The following LRRC37A variants were observed in gnomAD, a reference collection of about 807,000 sequenced individuals.
The protein encoded by LRRC37A is leucine rich repeat containing 37A, also known as leucine-rich repeat-containing protein 37A.
Under a neutral mutation model 35.4 loss-of-function variants are expected in LRRC37A, and 3 were observed. The observed-to-expected ratio is 0.08, with a 90% CI of 0.04 to 0.22. The LOEUF (loss-of-function observed/expected upper bound fraction) is 0.22. LRRC37A is among the 10% of genes least tolerant of loss of function. The pLI is 1.00. For missense variants in LRRC37A, 67 were observed against 565.3 expected (o/e 0.12, Z 8.94); for synonymous variants, 23 against 215.0 (o/e 0.11, Z 7.81).
chr17:46,270,898 T>A, the LRRC37A span, among the ~76,000 whole-genome samples: 1 of 152,364 alleles, frequency 6.6e-6, no homozygotes, highest in African/African-American at 2.4e-5. Context: ...AGACTCTGTC[T>A]GAAACAACAA....
chr17:46,324,997 G>T (rs1427327698), intron 7 of LRRC37A, among the ~76,000 whole-genome samples: 1 of 77,834 alleles, frequency 1.3e-5, no homozygotes, highest in Admixed American at 1.3e-4. Flanking sequence ...TGCTAGGGCT[G>T]GTTGAGGGAA....
At chr17:46,290,093 T>C (rs1457349953), upstream of LRRC37A, among the ~76,000 whole-genome samples, 1 of 152,286 alleles carries the variant, frequency 6.6e-6, no homozygotes, top group African/African-American at 2.4e-5. Flanking sequence ...TGCTGCAATG[T>C]AGATGACAAA....
chr17:46,291,985 A>AAAAAAAAAAAAAAAAAC (rs1360524355), upstream of LRRC37A, among the ~76,000 whole-genome samples: 126 of 76,566 alleles, frequency 1.6e-3, 2 homozygotes, highest in Non-Finnish European at 2.6e-3. Flanking sequence ...AAAAAAAAAA[A>AAAAAAAAAAAAAAAAAC]AAGCCAATAA....
the LRRC37A span, among the ~76,000 whole-genome samples, chr17:46,286,083 A>G: frequency 6.6e-6 from 1 of 152,120 alleles, no homozygotes; most frequent in African/African-American, 2.4e-5. Flanking sequence ...ATCATGGCCA[A>G]TAAAAAATCT....
upstream of LRRC37A, among the ~76,000 whole-genome samples, chr17:46,288,896 G>C (rs1362700803): frequency 6.6e-6 from 1 of 151,966 alleles, no homozygotes; most frequent in Non-Finnish European, 1.5e-5. Flanking sequence ...TTAGAGACAG[G>C]GTTTCACCAT....
At chr17:46,256,533 C>A in the LRRC37A span, among the ~76,000 whole-genome samples, 1 of 152,188 alleles carries the variant, frequency 6.6e-6, no homozygotes, top group Non-Finnish European at 1.5e-5. Context: ...TGTGCTATCA[C>A]CCTGATATGG....
At chr17:46,253,995 G>C in the LRRC37A span, among the ~76,000 whole-genome samples, 1 of 152,198 alleles carries the variant, frequency 6.6e-6, no homozygotes, top group Non-Finnish European at 1.5e-5. Flanking sequence ...AGATCTTAGA[G>C]GCGGCCAGCA....
the LRRC37A span, among the ~76,000 whole-genome samples, chr17:46,283,515 C>G: frequency 6.6e-4 from 101 of 152,320 alleles, no homozygotes; most frequent in Non-Finnish European, 3.5e-4. Flanking sequence ...ACATGAAATA[C>G]TTTATATTAG....
chr17:46,282,477 C>T, the LRRC37A span, among the ~76,000 whole-genome samples: 20 of 150,978 alleles, frequency 1.3e-4, no homozygotes, highest in Non-Finnish European at 2.8e-4. Flanking sequence ...TGGAGTGGCT[C>T]GATCATAGTT....
At chr17:46,270,924 T>C in the LRRC37A span, among the ~76,000 whole-genome samples, 2 of 152,196 alleles carry the variant, frequency 1.3e-5, no homozygotes, top group Non-Finnish European at 2.9e-5. Context: ...AGTATATCTA[T>C]ATGGCTAATT....
At chr17:46,268,174 AC>A in the LRRC37A span, among the ~76,000 whole-genome samples, 10 of 151,518 alleles carry the variant, frequency 6.6e-5, no homozygotes, top group African/African-American at 2.4e-4. Context: ...CCTTCCCCAC[AC>A]CCCGTGCTAC....
chr17:46,262,967 C>T, the LRRC37A span, among the ~76,000 whole-genome samples: 1 of 152,192 alleles, frequency 6.6e-6, no homozygotes, highest in Non-Finnish European at 1.5e-5. Context: ...CATCCAAGCA[C>T]TTTGTGAGGC....
chr17:46,261,293 T>G, the LRRC37A span, among the ~76,000 whole-genome samples: 1 of 152,230 alleles, frequency 6.6e-6, no homozygotes, highest in African/African-American at 2.4e-5. Flanking sequence ...TTCCATAGGC[T>G]ATCAGTCTCC....
At chr17:46,288,706 C>CTTTTTTTTTTTTTTTTT (rs199591277), upstream of LRRC37A, among the ~76,000 whole-genome samples, 1 of 139,060 alleles carries the variant, frequency 7.2e-6, no homozygotes, top group African/African-American at 2.7e-5. Flanking sequence ...CTTGTTTTTT[C>CTTTTTTTTTTTTTTTTT]TTTTTTTTTT....
chr17:46,266,913 GC>G, the LRRC37A span: 1 of 268,548 alleles, frequency 3.7e-6, no homozygotes, highest in African/African-American at 2.3e-5. Flanking sequence ...CGGGCCCTAC[GC>G]TTCCCCGCCG....
chr17:46,267,249 T>C, the LRRC37A span: 1 of 861,818 alleles, frequency 1.2e-6, no homozygotes, highest in Non-Finnish European at 1.7e-6. Flanking sequence ...TGCGGGCCGT[T>C]TCGCTGTTGC....
the LRRC37A span, among the ~76,000 whole-genome samples, chr17:46,274,093 T>C: frequency 6.6e-6 from 1 of 152,210 alleles, no homozygotes; most frequent in East Asian, 1.9e-4. Flanking sequence ...GAATTCCAGG[T>C]ACAATTAGAT....
the LRRC37A span, among the ~76,000 whole-genome samples, chr17:46,276,382 A>G: frequency 3.3e-5 from 5 of 152,276 alleles, no homozygotes; most frequent in Non-Finnish European, 7.3e-5. Flanking sequence ...CATCGTTAAC[A>G]TTAAAAAATT....
At chr17:46,265,305 TCTTCTTCTTCCTCTTCTTC>T in the LRRC37A span, among the ~76,000 whole-genome samples, 1 of 123,766 alleles carries the variant, frequency 8.1e-6, no homozygotes, top group Non-Finnish European at 1.7e-5. Context: ...TTCTTCTTCT[TCTTCTTCTTCCTCTTCTTC>T]TTTTTTTCTC....
Sources: gnomAD v4.1 joint callset for allele counts (sites outside exome capture counted in the v4.1 genomes callset) on GRCh38, gnomAD v4.1.1 for gene constraint, MANE v1.5 for transcripts, NCBI Gene and HGNC (gene_info 2026-07-23, HGNC 2026-07-21) for gene names.